The following DLG2 variants were observed in gnomAD, a reference collection of about 807,000 sequenced individuals.
The protein encoded by DLG2 is discs large MAGUK scaffold protein 2.
DLG2 carries 45 observed loss-of-function variants against 132.5 expected under a neutral mutation model. The observed-to-expected ratio is 0.34, with a 90% CI of 0.27 to 0.44. The LOEUF (loss-of-function observed/expected upper bound fraction) is 0.44. Among genes scored for constraint, DLG2 ranks in the 20% least tolerant of loss-of-function variants. The pLI is 1.00. For synonymous variants in DLG2, 424 were observed against 419.6 expected (o/e 1.01, Z -0.13); for missense variants, 1,045 against 1,196.9 (o/e 0.87, Z 1.87).
intron 3 of DLG2, among the ~76,000 whole-genome samples, chr11:85,561,939 T>C (rs192461958): frequency 2.6e-5 from 4 of 151,832 alleles, no homozygotes; most frequent in Non-Finnish European, 5.9e-5. Context: ...ATTTTACAGA[T>C]ACAGAAAGTG....
At chr11:84,037,134 G>T (rs991568054) in intron 11 of DLG2, among the ~76,000 whole-genome samples, 1 of 152,100 alleles carries the variant, frequency 6.6e-6, no homozygotes, top group African/African-American at 2.4e-5. Flanking sequence ...ATACCTAAAA[G>T]ATTATCTTTT....
chr11:84,661,856 C>T (rs17147476), intron 6 of DLG2, among the ~76,000 whole-genome samples: 25,430 of 152,034 alleles, frequency 0.17, 2,835 homozygotes, highest in African/African-American at 0.31. Context: ...ATATTGACCA[C>T]GTAATGCAGA....
intron 6 of DLG2, among the ~76,000 whole-genome samples, chr11:84,741,921 T>G (rs576756427): frequency 6.6e-6 from 1 of 151,938 alleles, no homozygotes; most frequent in Non-Finnish European, 1.5e-5. Context: ...TTCAACAATA[T>G]CAGGAGAAAA....
intron 19 of DLG2, among the ~76,000 whole-genome samples, chr11:83,583,166 C>A (rs2097013471): frequency 6.6e-6 from 1 of 152,206 alleles, no homozygotes. Context: ...TTCTGTTCAA[C>A]TACCATTTGT....
intron 6 of DLG2, among the ~76,000 whole-genome samples, chr11:85,082,735 C>CTTT (rs71036458): frequency 1.1e-4 from 13 of 113,402 alleles, no homozygotes; most frequent in Admixed American, 2.8e-4. Context: ...TCTTTTCTTT[C>CTTT]TTTTTTTTTT....
chr11:85,295,310 A>AC lies in DLG2; in HGVS notation c.41-9946_41-9945insG, dbSNP rs200998993. On this transcript the variant is annotated intron_variant, in intron 3 of 27. Coordinates refer to ENST00000376104, the MANE Select transcript of DLG2 (RefSeq NM_001142699.3). ...TTTCATGCCTACCTCCCCACTAAAA[A>AC]ATTCCCAATATCTTCCAATCTGTGA... Among the ~76,000 whole-genome samples, 508 of 152,274 alleles carry AC rather than the reference A, an allele frequency of 3.3e-3. 22 individuals are homozygous for AC. The East Asian group carries it at 0.084, about 25-fold the overall frequency.
chr11:85,138,897 C>T (rs1229073875), intron 5 of DLG2, among the ~76,000 whole-genome samples: 1 of 151,886 alleles, frequency 6.6e-6, no homozygotes, highest in Non-Finnish European at 1.5e-5. Context: ...TAATACATAC[C>T]CAAAGCACAC....
At chr11:85,479,683 C>T (rs1024576422) in intron 3 of DLG2, among the ~76,000 whole-genome samples, 2 of 152,122 alleles carry the variant, frequency 1.3e-5, no homozygotes, top group Admixed American at 6.6e-5. Context: ...GCGAGAACTA[C>T]AGTAATTAAG....
intron 3 of DLG2, among the ~76,000 whole-genome samples, chr11:85,354,730 C>T (rs572584313): frequency 6.7e-6 from 1 of 149,326 alleles, no homozygotes; most frequent in South Asian, 2.1e-4. Flanking sequence ...GTCACTGTTT[C>T]TCTCTCTCTC....
chr11:84,452,180 A>AGAG (rs1196209147), intron 7 of DLG2, among the ~76,000 whole-genome samples: 1 of 151,406 alleles, frequency 6.6e-6, no homozygotes, highest in African/African-American at 2.4e-5. Context: ...AGGAAGAGGA[A>AGAG]GAGGAGGAGG....
chr11:84,408,251 T>A (rs1045882985), intron 7 of DLG2, among the ~76,000 whole-genome samples: 1 of 152,038 alleles, frequency 6.6e-6, no homozygotes, highest in African/African-American at 2.4e-5. Context: ...AATGTCTTTA[T>A]AAAAAATAAT....
At chr11:85,368,516 A>G (rs1484950154) in intron 3 of DLG2, among the ~76,000 whole-genome samples, 1 of 152,166 alleles carries the variant, frequency 6.6e-6, no homozygotes, top group Non-Finnish European at 1.5e-5. Context: ...ATTCCAACCT[A>G]TCATTATCTC....
At chr11:83,467,788 TATATATATATATATATATATATAC>T (rs2091355784) in intron 25 of DLG2, among the ~76,000 whole-genome samples, 3 of 98,656 alleles carry the variant, frequency 3.0e-5, no homozygotes, top group Admixed American at 1.8e-4. Context: ...TATATATATA[TATATATATATATATATATATATAC>T]ACACACACAT....
At chr11:85,123,138 C>T (rs558871715) in intron 5 of DLG2, among the ~76,000 whole-genome samples, 1 of 150,712 alleles carries the variant, frequency 6.6e-6, no homozygotes, top group Non-Finnish European at 1.5e-5. Context: ...CCACCACACT[C>T]GGCTAATTTT....
At chr11:85,295,952 A>G (rs968272277) in intron 3 of DLG2, among the ~76,000 whole-genome samples, 1 of 152,134 alleles carries the variant, frequency 6.6e-6, no homozygotes, top group Non-Finnish European at 1.5e-5. Flanking sequence ...GTAGCTATAG[A>G]CTTTCAGTAT....
intron 18 of DLG2, among the ~76,000 whole-genome samples, chr11:83,764,727 T>C (rs913533370): frequency 2.6e-5 from 4 of 152,114 alleles, no homozygotes; most frequent in African/African-American, 9.7e-5. Flanking sequence ...AGTGACAGAT[T>C]TAGGGTTTGA....
intron 6 of DLG2, among the ~76,000 whole-genome samples, chr11:84,591,319 T>A (rs561234829): frequency 6.6e-6 from 1 of 151,470 alleles, no homozygotes; most frequent in Non-Finnish European, 1.5e-5. Flanking sequence ...GCCTTGTTTT[T>A]TTTTTTTTGT....
chr11:84,557,523 T>G (rs2099414296), intron 6 of DLG2, among the ~76,000 whole-genome samples: 1 of 152,196 alleles, frequency 6.6e-6, no homozygotes, highest in Non-Finnish European at 1.5e-5. Flanking sequence ...TTTTGGAACT[T>G]TATGTAAGCA....
intron 6 of DLG2, among the ~76,000 whole-genome samples, chr11:84,650,083 C>T (rs1361740122): frequency 1.3e-5 from 2 of 152,182 alleles, no homozygotes; most frequent in Non-Finnish European, 2.9e-5. Context: ...AGCCTCTATT[C>T]CAAAACTAAT....
Sources: gnomAD v4.1 joint callset for allele counts (sites outside exome capture counted in the v4.1 genomes callset) on GRCh38, gnomAD v4.1.1 for gene constraint, MANE v1.5 for transcripts, NCBI Gene and HGNC (gene_info 2026-07-23, HGNC 2026-07-21) for gene names.